Variants in CFAP54 observed in about 807,000 individuals in gnomAD.
CFAP54 encodes cilia and flagella associated protein 54.
A neutral mutation model predicts 370.4 loss-of-function variants in CFAP54; 290 were observed. The ratio of observed to expected loss-of-function variants is 0.78; its 90% CI spans 0.71 to 0.86. The LOEUF (loss-of-function observed/expected upper bound fraction) is 0.86, where lower values mean the gene tolerates loss of function less well. Among genes scored for constraint, CFAP54 ranks in the 40% least tolerant of loss-of-function variants. The pLI, the probability that CFAP54 is intolerant of heterozygous loss-of-function variation, is 0.00. For synonymous variants in CFAP54, 1,206 were observed against 1,236.5 expected (o/e 0.98, Z 0.52); for missense variants, 3,399 against 3,528.7 (o/e 0.96, Z 0.93).
intron 26 of CFAP54, among the ~76,000 whole-genome samples, chr12:96,615,028 A>T (rs1286949114): frequency 1.3e-5 from 2 of 152,174 alleles, no homozygotes; most frequent in African/African-American, 2.4e-5. Flanking sequence ...GTTCATATGG[A>T]ACCAAAAAAG....
rs752288226 is a variant in CFAP54, at chr12:96,686,034, CATGCT to C, written c.6014+799_6014+803del. Among the ~76,000 whole-genome samples, 148 of 152,308 alleles carry C rather than the reference CATGCT, an allele frequency of 9.7e-4. 1 individual carries two copies. Among genetic ancestry groups the C allele is most frequent in the Admixed American group, 5.6e-3 (86 of 15,304 alleles). ...CTCTAAGCCAAGGTGGTAAAAATTACATGCTATACTGCATCAGTTTGCTAGGGCTA... is the reference window on the plus strand; with the variant it reads ...CTCTAAGCCAAGGTGGTAAAAATTACATACTGCATCAGTTTGCTAGGGCTA... On this transcript the variant is annotated intron_variant, in intron 42 of 67. Coordinates refer to ENST00000524981, the MANE Select transcript of CFAP54 (RefSeq NM_001306084.2).
At chr12:96,536,044 A>G (rs1469532485) in intron 12 of CFAP54, among the ~76,000 whole-genome samples, 1 of 152,234 alleles carries the variant, frequency 6.6e-6, no homozygotes, top group Non-Finnish European at 1.5e-5. Flanking sequence ...AGGGATCCTC[A>G]GAAACCTAAC....
At chr12:96,723,301 A>C (rs1957781401) in intron 50 of CFAP54, among the ~76,000 whole-genome samples, 1 of 152,212 alleles carries the variant, frequency 6.6e-6, no homozygotes, top group Non-Finnish European at 1.5e-5. Context: ...GAAGAGAGAA[A>C]AGGACCAAGG....
chr12:96,538,702 C>T, intron 13 of CFAP54, 184 bp downstream of exon 13: 1 of 597,336 alleles, frequency 1.7e-6, no homozygotes, highest in Non-Finnish European at 2.8e-6. Flanking sequence ...ATGTGTGTTC[C>T]CTGCACTCCT....
At position 96,649,883 on chromosome 12, in the gene CFAP54, T is replaced by A; in HGVS notation, c.4691-8T>A. 6.4e-7 allele frequency: 1 copy of A among 1,557,180 alleles called. No homozygotes were observed. Among genetic ancestry groups the A allele is most frequent in the Non-Finnish European group, 8.8e-7 (1 of 1,142,130 alleles). On this transcript the variant is annotated splice_region_variant and splice_polypyrimidine_tract_variant and intron_variant, in intron 34 of 67. Coordinates refer to ENST00000524981, the MANE Select transcript of CFAP54 (RefSeq NM_001306084.2). ...TTAATCATGTCATATCTTATTTTTG[T>A]ACTGTAGATGCTGAAGAATTTTCTA... is the stretch of plus-strand genomic sequence containing the variant.
At chr12:96,578,006 G>A (rs1331787663) in intron 20 of CFAP54, among the ~76,000 whole-genome samples, 3 of 152,078 alleles carry the variant, frequency 2.0e-5, no homozygotes, top group Non-Finnish European at 4.4e-5. Flanking sequence ...AGGTTGCAGT[G>A]AGCCGAGATC....
At chr12:96,496,699 G>T (rs549161137) in intron 1 of CFAP54, among the ~76,000 whole-genome samples, 3 of 152,194 alleles carry the variant, frequency 2.0e-5, no homozygotes, top group African/African-American at 7.2e-5. Context: ...GAATTGGGGG[G>T]CAGTGGGGGA....
chr12:96,539,260 C>T (rs1308281391), intron 13 of CFAP54, among the ~76,000 whole-genome samples: 2 of 151,680 alleles, frequency 1.3e-5, no homozygotes, highest in African/African-American at 2.4e-5. Flanking sequence ...GGGGTTTCAC[C>T]ATCTTGGCCA....
intron 33 of CFAP54, chr12:96,645,152 C>T (rs1956774209): frequency 2.2e-6 from 1 of 456,570 alleles, no homozygotes; most frequent in Non-Finnish European, 4.4e-6. Context: ...ATCATTAACT[C>T]AACAGACATT....
intron 22 of CFAP54, among the ~76,000 whole-genome samples, chr12:96,583,387 T>C (rs1956048961): frequency 6.6e-6 from 1 of 152,158 alleles, no homozygotes; most frequent in South Asian, 2.1e-4. Context: ...TTTAGGCAAA[T>C]TGGTCTCAAT....
chr12:96,855,294 C>T (rs1318994310), intron 66 of CFAP54, among the ~76,000 whole-genome samples: 1 of 152,054 alleles, frequency 6.6e-6, no homozygotes, highest in Non-Finnish European at 1.5e-5. Context: ...TGCCCCTGGC[C>T]CCTCCCAAAT....
Position 96,507,065 on chromosome 12 carries a change from G to T in CFAP54, c.705G>T (p.Leu235=). The part of the protein sequence containing the change: ...SSLRLIMQVA[L]PQEHLCWIIF... ...TAAGGCTCATCATGCAAGTGGCTCTGCCACAAGAGCATCTTTGCTGGATTA... is the reference window on the plus strand; with the variant it reads ...TAAGGCTCATCATGCAAGTGGCTCTTCCACAAGAGCATCTTTGCTGGATTA... The change falls in exon 4 of 68, where the codon CTG becomes CTT. Residue 235 remains leucine, a synonymous_variant. Transcript: ENST00000524981. 6.5e-7 allele frequency: 1 copy of T among 1,533,886 alleles called. No homozygotes were observed. The highest frequency in any genetic ancestry group is 8.7e-7 in the Non-Finnish European group (1 of 1,146,230).
At chr12:96,739,032 A>G (rs958934807) in intron 50 of CFAP54, among the ~76,000 whole-genome samples, 6 of 152,208 alleles carry the variant, frequency 3.9e-5, no homozygotes, top group African/African-American at 7.2e-5. Flanking sequence ...TTTGAGGTAC[A>G]GGGGGTTAAG....
chr12:96,861,119 G>A (rs1042049703), intron 67 of CFAP54, among the ~76,000 whole-genome samples, 167 bp downstream of exon 67: 1 of 152,086 alleles, frequency 6.6e-6, no homozygotes, highest in Admixed American at 6.5e-5. Flanking sequence ...ATTAAATGAC[G>A]GTGCTGCTGC....
chr12:96,646,195 C>T lies in CFAP54; in HGVS notation c.4548-1680C>T, dbSNP rs555081687. 3.0e-3 allele frequency: 463 copies of T among 152,252 alleles called. 3 individuals are homozygous for T. Among genetic ancestry groups the T allele is most frequent in the African/African-American group, 0.01 (423 of 41,552 alleles). 9.4% of individuals were successfully genotyped at this position (152,252 alleles called of 1,614,324 possible). A position where few individuals can be genotyped will look rare whatever the true frequency, so the allele number is the denominator to read the frequency against. On this transcript the variant is annotated intron_variant, in intron 33 of 67. Coordinates refer to ENST00000524981, the MANE Select transcript of CFAP54 (RefSeq NM_001306084.2). ...CAGAATGGGAGAAAATTTTTGCAAT[C>T]TACTCATCTGACAAAGGGCTAATAT...
At chr12:96,512,304 TATATATATA>T (rs1955179376) in intron 4 of CFAP54, among the ~76,000 whole-genome samples, 1 of 6,824 alleles carries the variant, frequency 1.5e-4, no homozygotes, top group African/African-American at 8.2e-4. Flanking sequence ...ACCAATTTTA[TATATATATA>T]TATATATATA....
rs377049378 is a variant in CFAP54, at chr12:96,651,766, A to G, written c.5051A>G (p.Glu1684Gly). ...TSVLPFYLGA[E>G]LLIDMLIQLQ... is the part of the protein sequence containing the mutation. ...GTTTTACCATTCTATTTGGGAGCAG[A>G]ATTACTTATTGACATGTTAATACAA... Residue 1684 changes from glutamate (E) to glycine (G), a missense_variant, in exon 36 of 68, where the codon GAA (glutamate) becomes GGA (glycine). Glu to Gly is a moderately conservative substitution (Grantham distance 98). Transcript: ENST00000524981. The G allele has an allele frequency of 6.2e-7, 1 of 1,613,152 alleles. No individual in the cohort carries two copies. The highest frequency in any genetic ancestry group is 1.7e-5 in the Admixed American group (1 of 60,008).
intron 67 of CFAP54, among the ~76,000 whole-genome samples, chr12:96,872,880 C>T (rs924488611): frequency 3.3e-5 from 5 of 152,106 alleles, no homozygotes; most frequent in Admixed American, 1.3e-4. Context: ...CAAACTAAGA[C>T]AGCTCCAGGC....
At position 96,518,927 on chromosome 12, in the gene CFAP54, G is replaced by T; in HGVS notation, c.799-1G>T. 1 of 1,527,020 alleles carries T rather than the reference G, an allele frequency of 6.5e-7. No homozygotes were observed. The highest frequency in any genetic ancestry group is 8.8e-7 in the Non-Finnish European group (1 of 1,141,964). The allele number at this position is 1,527,020 out of a possible 1,614,324, so 94.6% of individuals were successfully genotyped here. A position where few individuals can be genotyped will look rare whatever the true frequency, so the allele number is the denominator to read the frequency against. On this transcript the variant is annotated splice_acceptor_variant, in intron 5 of 67. Transcript: ENST00000524981. LOFTEE classifies it high-confidence loss of function. Reference sequence around the variant, plus strand: ...ATCCAATGGTGCCCTTTATTTTGCAGGCCTTAGAGTATCTCCTGTGGGCCA... The same window carrying T: ...ATCCAATGGTGCCCTTTATTTTGCATGCCTTAGAGTATCTCCTGTGGGCCA...
Sources: allele counts gnomAD v4.1 joint callset (sites outside exome capture counted in the v4.1 genomes callset), GRCh38; gene constraint gnomAD v4.1.1; transcripts MANE v1.5; gene names NCBI Gene and HGNC (gene_info 2026-07-23, HGNC 2026-07-21).